Variants in FHL5 observed in about 807,000 individuals in gnomAD.
FHL5 encodes four and a half LIM domains protein 5.
In FHL5, 33 loss-of-function variants were observed where a neutral mutation model predicts 32.0. The observed-to-expected ratio is 1.03, with a 90% CI of 0.78 to 1.38. The LOEUF (loss-of-function observed/expected upper bound fraction) is 1.38, where lower values mean the gene tolerates loss of function less well. Among genes scored for constraint, FHL5 ranks in the 40% most tolerant of loss-of-function variants. FHL5 has a pLI of 0.00. For synonymous variants in FHL5, 114 were observed against 113.6 expected (o/e 1.00, Z -0.02); for missense variants, 336 against 343.9 (o/e 0.98, Z 0.18).
chr6:96,588,912 G>T (rs1019638073), intron 1 of FHL5, among the ~76,000 whole-genome samples: 1 of 151,408 alleles, frequency 6.6e-6, no homozygotes, highest in African/African-American at 2.4e-5. Context: ...TTCATTTACA[G>T]TTTGTGTTTT....
intron 1 of FHL5, among the ~76,000 whole-genome samples, chr6:96,587,951 A>G (rs1296806746): frequency 6.6e-6 from 1 of 152,192 alleles, no homozygotes; most frequent in East Asian, 1.9e-4. Context: ...GTGACCACAC[A>G]TCTACTTATT....
At chr6:96,585,028 C>T (rs769983645) in intron 1 of FHL5, among the ~76,000 whole-genome samples, 4 of 152,048 alleles carry the variant, frequency 2.6e-5, no homozygotes, top group African/African-American at 9.7e-5. Context: ...AGTCAGGCTT[C>T]GAAAATCCTA....
chr6:96,562,851 A>C (rs904472544), upstream of FHL5: 5 of 152,228 alleles, frequency 3.3e-5, no homozygotes, highest in African/African-American at 1.2e-4. Flanking sequence ...CCACCAGAAA[A>C]CAAAGAAAAC....
intron 5 of FHL5, among the ~76,000 whole-genome samples, chr6:96,611,768 G>T (rs193125309): frequency 1.7e-3 from 253 of 152,142 alleles, no homozygotes; most frequent in Non-Finnish European, 2.2e-3. Flanking sequence ...CCCCACCTTG[G>T]CAGGCTTTCA....
At chr6:96,607,407 A>G (rs1226269311) in intron 4 of FHL5, among the ~76,000 whole-genome samples, 3 of 93,944 alleles carry the variant, frequency 3.2e-5, no homozygotes, top group Non-Finnish European at 7.5e-5. Flanking sequence ...ACATGCACAT[A>G]CACACACACA....
Position 96,610,666 on chromosome 6 carries a change from A to G in FHL5, c.599A>G (p.Gln200Arg). The change falls in exon 5 of 6, where the codon CAG (glutamine) becomes CGG (arginine). Residue 200 changes from glutamine (Q) to arginine (R), a missense_variant. Physicochemically the swap from Gln to Arg is conservative, Grantham distance 43. Coordinates refer to ENST00000450218, the MANE Select transcript of FHL5 (RefSeq NM_001322466.2). ...SGCRKDLCEE[Q>R]FMSRDDYPFC... Reference sequence around the variant, plus strand: ...TGTAGGAAAGATCTCTGTGAAGAACAGTTCATGTCCAGAGACGACTATCCA... The same window carrying G: ...TGTAGGAAAGATCTCTGTGAAGAACGGTTCATGTCCAGAGACGACTATCCA... The G allele has an allele frequency of 6.2e-7, 1 of 1,613,108 alleles. No individual in the cohort carries two copies. The highest frequency in any genetic ancestry group is 8.5e-7 in the Non-Finnish European group (1 of 1,179,064).
intron 1 of FHL5, among the ~76,000 whole-genome samples, chr6:96,577,123 T>C (rs1467680564): frequency 6.6e-6 from 1 of 152,136 alleles, no homozygotes; most frequent in Non-Finnish European, 1.5e-5. Context: ...TAAATTAAAT[T>C]AAATTAAAGC....
At chr6:96,580,068 A>C (rs1244943925) in intron 1 of FHL5, among the ~76,000 whole-genome samples, 1 of 152,214 alleles carries the variant, frequency 6.6e-6, no homozygotes, top group Non-Finnish European at 1.5e-5. Flanking sequence ...AAAGAAACCG[A>C]ATATATCTGG....
chr6:96,582,083 G>A, intron 1 of FHL5, among the ~76,000 whole-genome samples: 1 of 152,126 alleles, frequency 6.6e-6, no homozygotes, highest in Non-Finnish European at 1.5e-5. Context: ...AAGCCTTTGA[G>A]GAGACCCTGA....
chr6:96,599,823 AC>A (rs1215280361), intron 1 of FHL5, among the ~76,000 whole-genome samples: 1 of 152,264 alleles, frequency 6.6e-6, no homozygotes, highest in African/African-American at 2.4e-5. Context: ...CAATTGGGGT[AC>A]ATGTTTATAT....
At chr6:96,569,999 G>C (rs974470572) in intron 1 of FHL5, among the ~76,000 whole-genome samples, 2 of 151,674 alleles carry the variant, frequency 1.3e-5, no homozygotes, top group Admixed American at 1.3e-4. Context: ...GTTAATCATT[G>C]TGGTTTGGTG....
chr6:96,585,799 C>T (rs1372223133), intron 1 of FHL5, among the ~76,000 whole-genome samples: 1 of 152,036 alleles, frequency 6.6e-6, no homozygotes, highest in Non-Finnish European at 1.5e-5. Flanking sequence ...ACCAGAAGAC[C>T]GTAATTATAT....
chr6:96,590,416 C>T (rs1770889651), intron 1 of FHL5, among the ~76,000 whole-genome samples: 2 of 151,684 alleles, frequency 1.3e-5, no homozygotes, highest in Non-Finnish European at 2.9e-5. Context: ...TTTCATTTCA[C>T]TGTTTGTTAT....
intron 1 of FHL5, among the ~76,000 whole-genome samples, chr6:96,590,474 G>A (rs935296012): frequency 6.6e-6 from 1 of 151,774 alleles, no homozygotes; most frequent in African/African-American, 2.4e-5. Flanking sequence ...ATTTTACTGA[G>A]CAACTCTAAT....
In FHL5 at chr6:96,610,648, A is replaced by G. The variant is rs762436385; in HGVS notation, c.581A>G (p.Lys194Arg). 1 of 1,613,738 alleles carries G rather than the reference A, an allele frequency of 6.2e-7. No individual in the cohort carries two copies. The highest frequency in any genetic ancestry group is 1.7e-5 in the Admixed American group (1 of 60,004). ...KECFLCSGCRKDLCEEQFMSR... is the reference protein window; with the variant it reads ...KECFLCSGCRRDLCEEQFMSR... ...TGTTTTCTGTGTAGTGGCTGTAGGA[A>G]AGATCTCTGTGAAGAACAGTTCATG... The change falls in exon 5 of 6, where the codon AAA becomes AGA. Residue 194 changes from lysine (K) to arginine (R), a missense_variant. Lys to Arg is a conservative substitution (Grantham distance 26). Coordinates refer to ENST00000450218, the MANE Select transcript of FHL5 (RefSeq NM_001322466.2).
chr6:96,605,625 A>G (rs899728859), intron 3 of FHL5, among the ~76,000 whole-genome samples: 2 of 152,170 alleles, frequency 1.3e-5, no homozygotes, highest in African/African-American at 4.8e-5. Context: ...AGTCTCCATT[A>G]AAAGTACTTT....
At chr6:96,608,261 A>T (rs1420582317) in intron 4 of FHL5, among the ~76,000 whole-genome samples, 1 of 152,206 alleles carries the variant, frequency 6.6e-6, no homozygotes, top group African/African-American at 2.4e-5. Context: ...CCAAGTGCTG[A>T]TGTTTCCCAG....
intron 1 of FHL5, among the ~76,000 whole-genome samples, chr6:96,574,180 C>G (rs1313694981): frequency 6.6e-6 from 1 of 152,054 alleles, no homozygotes; most frequent in Non-Finnish European, 1.5e-5. Flanking sequence ...TTTTTAAAAC[C>G]ATTTAGTAAA....
At chr6:96,593,306 A>G (rs1175007844) in intron 1 of FHL5, among the ~76,000 whole-genome samples, 1 of 151,972 alleles carries the variant, frequency 6.6e-6, no homozygotes. Context: ...TCCTGCATGT[A>G]TGTTTCTATT....
Sources: allele counts gnomAD v4.1 joint callset (sites outside exome capture counted in the v4.1 genomes callset), GRCh38; gene constraint gnomAD v4.1.1; transcripts MANE v1.5; gene names NCBI Gene and HGNC (gene_info 2026-07-23, HGNC 2026-07-21).